COL21A1: variants seen among roughly 807,000 people sequenced by gnomAD.
COL21A1 encodes the protein collagen alpha-1(XXI) chain.
COL21A1 carries 149 observed loss-of-function variants against 137.9 expected under a neutral mutation model. That is an observed-to-expected ratio of 1.08 (90% CI 0.95 to 1.24). The LOEUF is 1.24. Among genes scored for constraint, COL21A1 ranks in the 50% most tolerant of loss-of-function variants. The probability of loss-of-function intolerance (pLI) is 0.00; values close to 1 mark genes in which losing one functional copy is unlikely to be tolerated. For missense variants in COL21A1, 1,167 were observed against 1,158.4 expected (o/e 1.01, Z -0.11); for synonymous variants, 456 against 391.5 (o/e 1.16, Z -1.95).
intron 3 of COL21A1, among the ~76,000 whole-genome samples, chr6:56,174,790 T>C (rs902235573): frequency 6.6e-6 from 1 of 151,998 alleles, no homozygotes; most frequent in Non-Finnish European, 1.5e-5. Context: ...GAGTAAACAC[T>C]TCTAAACTAT....
At chr6:56,065,508 T>C (rs1159206281) in intron 23 of COL21A1, among the ~76,000 whole-genome samples, 1 of 152,000 alleles carries the variant, frequency 6.6e-6, no homozygotes. Context: ...CTACAATGTA[T>C]AATTAAACAT....
chr6:56,076,825 T>G (rs1767284953), intron 18 of COL21A1, among the ~76,000 whole-genome samples: 1 of 151,458 alleles, frequency 6.6e-6, no homozygotes, highest in Admixed American at 6.6e-5. Flanking sequence ...ATGGAGATAA[T>G]GGTGATTCTT....
At chr6:56,303,082 G>T (rs1764343611) in intron 1 of COL21A1, among the ~76,000 whole-genome samples, 2 of 152,122 alleles carry the variant, frequency 1.3e-5, no homozygotes, top group African/African-American at 4.8e-5. Context: ...CTCTTCCATT[G>T]GTCTATATCT....
chr6:56,206,693 A>ATATATAT (rs1779800725), intron 1 of COL21A1, among the ~76,000 whole-genome samples: 4 of 127,904 alleles, frequency 3.1e-5, no homozygotes, highest in Admixed American at 8.2e-5. Context: ...TAAATAAATA[A>ATATATAT]ATAAATATAT....
intron 10 of COL21A1, among the ~76,000 whole-genome samples, chr6:56,146,704 C>G (rs893456327): frequency 9.2e-5 from 14 of 151,940 alleles, no homozygotes; most frequent in Non-Finnish European, 1.8e-4. Context: ...TATACCATAT[C>G]CACAAAGCCA....
chr6:56,180,093 A>C lies in COL21A1; in HGVS notation c.125T>G (p.Leu42Ter). The C allele has an allele frequency of 6.2e-7, 1 of 1,613,448 alleles. No homozygotes were observed. The highest frequency in any genetic ancestry group is 2.2e-5 in the East Asian group (1 of 44,874). Residue 42 changes from leucine (L) to a stop codon, truncating the protein, a stop_gained, in exon 3 of 30, where the codon TTA becomes TGA. Coordinates refer to ENST00000244728, the MANE Select transcript of COL21A1 (RefSeq NM_030820.4). LOFTEE classifies it high-confidence loss of function. Reference protein sequence around the residue: ...RTAPTDLVFILDGSYSVGPEN... With the variant: ...RTAPTDLVFI ...TGGGCCAACACTATAAGAGCCATCT[A>C]AGATGAAAACTAAATCTGTCGGAGC... is the stretch of plus-strand genomic sequence containing the variant.
rs140664070 is a variant in COL21A1 at position 56,257,344 on chromosome 6, A to T, written c.-38-74688T>A. On this transcript the variant is annotated intron_variant, in intron 1 of 28. Coordinates refer to the COL21A1 transcript ENST00000370819. ...AACTTAGTTTGAGCTTTTTGGAAAA[A>T]ATTTGGCATTATGCAGCAGAAGCCT... is the stretch of plus-strand genomic sequence containing the variant. 3.4e-3 allele frequency among the ~76,000 whole-genome samples: 523 copies of T among 152,210 alleles called. 2 individuals carry two copies. The highest frequency in any genetic ancestry group is 0.012 in the African/African-American group (488 of 41,526).
chr6:56,088,785 AGAGATCTTTTTCTTT>A, intron 17 of COL21A1, among the ~76,000 whole-genome samples: 1 of 152,288 alleles, frequency 6.6e-6, no homozygotes, highest in East Asian at 1.9e-4. Flanking sequence ...AAAAACCACA[AGAGATCTTTTTCTTT>A]GAGATAGTGT....
chr6:56,198,003 G>A (rs532742106), intron 1 of COL21A1, among the ~76,000 whole-genome samples: 7 of 152,032 alleles, frequency 4.6e-5, no homozygotes, highest in Admixed American at 1.3e-4. Context: ...GTGTGTACAC[G>A]TATACACACT....
intron 1 of COL21A1, among the ~76,000 whole-genome samples, chr6:56,266,644 G>GTA (rs1460649512): frequency 6.6e-6 from 1 of 152,180 alleles, no homozygotes; most frequent in Non-Finnish European, 1.5e-5. Flanking sequence ...ACCTTTTCTG[G>GTA]TAAGATTAAT....
intron 1 of COL21A1, among the ~76,000 whole-genome samples, chr6:56,256,057 A>T (rs187023021): frequency 1.3e-5 from 2 of 152,310 alleles, no homozygotes; most frequent in African/African-American, 4.8e-5. Flanking sequence ...ATGTTTTCCT[A>T]AAGAAAAGTT....
chr6:56,116,523 C>T lies in COL21A1; in HGVS notation c.1758+7539G>A, dbSNP rs567927370. On this transcript the variant is annotated intron_variant, in intron 16 of 29. Transcript: ENST00000244728. ...CAATAGATGAGTGATTTCATCAATA[C>T]CAGACCTACCATACAAGAAATGCTA... Among the ~76,000 whole-genome samples, 10 of 150,774 alleles carry T rather than the reference C, an allele frequency of 6.6e-5. No homozygotes were observed. The East Asian group carries it at 9.8e-4, about 15-fold the overall frequency.
chr6:56,125,542 A>T (rs773152609), intron 14 of COL21A1, 25 bp downstream of exon 14: 8 of 1,542,090 alleles, frequency 5.2e-6, no homozygotes, highest in South Asian at 1.2e-5. Flanking sequence ...CAATATGAAT[A>T]CTTTGTTGTG....
At chr6:56,131,765 T>C (rs1561899968) in intron 12 of COL21A1, among the ~76,000 whole-genome samples, 2 of 151,884 alleles carry the variant, frequency 1.3e-5, no homozygotes, top group Non-Finnish European at 1.5e-5. Flanking sequence ...AAATTGCAAA[T>C]ACACACACAC....
chr6:56,301,869 C>T (rs1450360970), intron 1 of COL21A1, among the ~76,000 whole-genome samples: 16 of 150,656 alleles, frequency 1.1e-4, no homozygotes, highest in African/African-American at 3.9e-4. Flanking sequence ...CCCCCAATCC[C>T]ACAACAGGCC....
intron 10 of COL21A1, among the ~76,000 whole-genome samples, chr6:56,153,740 A>C (rs1315198572): frequency 6.6e-6 from 1 of 152,162 alleles, no homozygotes; most frequent in Non-Finnish European, 1.5e-5. Context: ...TGACAACAAT[A>C]ACACACCTAA....
At chr6:56,137,882 CA>C (rs1169392293) in intron 12 of COL21A1, among the ~76,000 whole-genome samples, 1 of 151,970 alleles carries the variant, frequency 6.6e-6, no homozygotes, top group East Asian at 1.9e-4. Flanking sequence ...GGAGATAATC[CA>C]GATTGCAAAA....
upstream of COL21A1, among the ~76,000 whole-genome samples, chr6:56,252,175 C>T (rs972058740): frequency 5.3e-5 from 8 of 152,204 alleles, no homozygotes; most frequent in African/African-American, 1.9e-4. Flanking sequence ...TCAATACCTT[C>T]ACATTTTCCT....
intron 1 of COL21A1, among the ~76,000 whole-genome samples, chr6:56,303,710 G>T (rs1002583584): frequency 2.0e-5 from 3 of 152,070 alleles, no homozygotes; most frequent in African/African-American, 7.2e-5. Context: ...TTTCCTAATT[G>T]AATACCCTTT....
Sources: gnomAD v4.1 joint callset for allele counts (sites outside exome capture counted in the v4.1 genomes callset) on GRCh38, gnomAD v4.1.1 for gene constraint, MANE v1.5 for transcripts, NCBI Gene and HGNC (gene_info 2026-07-23, HGNC 2026-07-21) for gene names.